ELP3: variants seen among roughly 807,000 people sequenced by gnomAD.
ELP3 encodes elongator acetyltransferase complex subunit 3.
ELP3 carries 56 observed loss-of-function variants against 74.9 expected under a neutral mutation model. That is an observed-to-expected ratio of 0.75 (90% CI 0.60 to 0.93). ELP3 has a LOEUF of 0.93. Ranked by LOEUF, ELP3 falls within the 40% of genes least tolerant of loss-of-function variation. The pLI, the probability that ELP3 is intolerant of heterozygous loss-of-function variation, is 0.00. For synonymous variants in ELP3, 222 were observed against 239.8 expected, an observed-to-expected ratio of 0.93 and a Z score of 0.68; for missense variants, 573 against 686.5, an observed-to-expected ratio of 0.83 and a Z score of 1.85.
chr8:28,176,138 C>G (rs1468733123), intron 14 of ELP3, among the ~76,000 whole-genome samples: 2 of 152,118 alleles, frequency 1.3e-5, no homozygotes, highest in African/African-American at 2.4e-5. Context: ...CTTTTCCAAA[C>G]TATTTTTGCA....
intron 2 of ELP3, among the ~76,000 whole-genome samples, chr8:28,098,998 A>G (rs1162345454): frequency 6.6e-6 from 1 of 152,236 alleles, no homozygotes; most frequent in East Asian, 1.9e-4. Context: ...CCTGTCTGCA[A>G]ACATGTAAAC....
intron 1 of ELP3, among the ~76,000 whole-genome samples, chr8:28,095,274 C>T (rs1476393219): frequency 6.6e-6 from 1 of 152,234 alleles, no homozygotes; most frequent in Non-Finnish European, 1.5e-5. Flanking sequence ...CACTCAAGAG[C>T]TATACAAGTG....
intron 14 of ELP3, among the ~76,000 whole-genome samples, chr8:28,180,470 A>G (rs10090868): frequency 0.92 from 140,338 of 152,272 alleles, 65,108 homozygotes; most frequent in Non-Finnish European, 0.97. Flanking sequence ...CTGTAATGTC[A>G]TCTTTTAATG....
chr8:28,170,667 A>G (rs761883482), intron 14 of ELP3, among the ~76,000 whole-genome samples: 1 of 152,112 alleles, frequency 6.6e-6, no homozygotes, highest in African/African-American at 2.4e-5. Context: ...TTTTCCCCCT[A>G]CAAACACATG....
chr8:28,115,432 A>G (rs891619312), intron 7 of ELP3, among the ~76,000 whole-genome samples: 2 of 152,228 alleles, frequency 1.3e-5, no homozygotes, highest in African/African-American at 4.8e-5. Context: ...ATATAAATGC[A>G]TAGAAAAGGT....
At chr8:28,184,096 G>C (rs1815135112) in intron 14 of ELP3, among the ~76,000 whole-genome samples, 1 of 152,232 alleles carries the variant, frequency 6.6e-6, no homozygotes, top group African/African-American at 2.4e-5. Flanking sequence ...ACCCAGCCTT[G>C]GTGGCTAAGT....
intron 11 of ELP3, among the ~76,000 whole-genome samples, chr8:28,158,151 TG>T (rs1170872756): frequency 6.6e-6 from 1 of 151,628 alleles, no homozygotes; most frequent in East Asian, 1.9e-4. Context: ...TGCCGTAAAA[TG>T]GAGGTTTTAA....
upstream of ELP3, among the ~76,000 whole-genome samples, chr8:28,091,901 A>G (rs73669184): frequency 0.027 from 4,171 of 152,238 alleles, 210 homozygotes; most frequent in African/African-American, 0.096. Flanking sequence ...AGGAACAACT[A>G]TGCATTCATT....
At chr8:28,107,271 C>T (rs1009198282) in intron 4 of ELP3, among the ~76,000 whole-genome samples, 1 of 152,012 alleles carries the variant, frequency 6.6e-6, no homozygotes. Flanking sequence ...AAAATTAGAA[C>T]ATATGAATAT....
chr8:28,189,542 G>T (rs1815373377), intron 14 of ELP3, 107 bp from the exon 15 acceptor site: 2 of 929,868 alleles, frequency 2.2e-6, no homozygotes, highest in Non-Finnish European at 3.4e-6. Context: ...ATGTGGGAGA[G>T]AATTTGGTCT....
intron 14 of ELP3, among the ~76,000 whole-genome samples, chr8:28,168,275 C>T (rs1814386164): frequency 6.6e-6 from 1 of 152,142 alleles, no homozygotes; most frequent in South Asian, 2.1e-4. Context: ...GTGATGTTTC[C>T]CAGCCAGAAG....
intron 12 of ELP3, among the ~76,000 whole-genome samples, chr8:28,158,891 T>C (rs1813953427): frequency 6.6e-6 from 1 of 152,232 alleles, no homozygotes; most frequent in African/African-American, 2.4e-5. Flanking sequence ...TTGGAAATGT[T>C]CTGTGATCTG....
intron 9 of ELP3, among the ~76,000 whole-genome samples, chr8:28,134,375 T>G (rs1812900707): frequency 6.6e-6 from 1 of 152,180 alleles, no homozygotes; most frequent in South Asian, 2.1e-4. Context: ...GTAAACAGAT[T>G]TATTTGCTTG....
At chr8:28,153,615 G>A (rs1813719185) in intron 10 of ELP3, among the ~76,000 whole-genome samples, 2 of 152,308 alleles carry the variant, frequency 1.3e-5, no homozygotes, top group South Asian at 4.1e-4. Context: ...CTAATGGAGG[G>A]AAGTTGTCCT....
At chr8:28,129,751 C>G (rs930135282) in intron 8 of ELP3, 88 bp downstream of exon 8, 1 of 1,494,938 alleles carries the variant, frequency 6.7e-7, no homozygotes, top group Non-Finnish European at 9.2e-7. Flanking sequence ...TTCCTTCTGA[C>G]CACTCTTAGG....
In ELP3 at chr8:28,093,199, C is replaced by G. The variant is rs763518154; in HGVS notation, c.-16C>G. 6.2e-7 allele frequency: 1 copy of G among 1,612,764 alleles called. No individual in the cohort carries two copies. The highest frequency in any genetic ancestry group is 8.5e-7 in the Non-Finnish European group (1 of 1,179,790). Reference sequence around the variant, plus strand: ...TGCATTTTTATCTCTGGTGGCTCTGCTACGGCGGCGCAGAAATGAGGCAGA... The same window carrying G: ...TGCATTTTTATCTCTGGTGGCTCTGGTACGGCGGCGCAGAAATGAGGCAGA... On this transcript the variant is annotated 5_prime_UTR_variant, in exon 1 of 15. Coordinates refer to ENST00000256398, the MANE Select transcript of ELP3 (RefSeq NM_018091.6).
chr8:28,157,275 TA>T (rs1208924866), intron 11 of ELP3, among the ~76,000 whole-genome samples: 1 of 27,416 alleles, frequency 3.6e-5, no homozygotes, highest in Non-Finnish European at 7.8e-5. Flanking sequence ...TCTCTGCCTT[TA>T]AAAAAAGCAT....
chr8:28,170,532 CCT>C (rs1377665737), intron 14 of ELP3, among the ~76,000 whole-genome samples: 1 of 152,130 alleles, frequency 6.6e-6, no homozygotes, highest in Non-Finnish European at 1.5e-5. Flanking sequence ...CTATTTTATA[CCT>C]GATGCTTTAG....
At chr8:28,173,591 T>C (rs934573138) in intron 14 of ELP3, among the ~76,000 whole-genome samples, 8 of 151,842 alleles carry the variant, frequency 5.3e-5, no homozygotes, top group African/African-American at 1.9e-4. Context: ...TCTAATCTAT[T>C]ATTTTCTTCC....
Sources: gnomAD v4.1 joint callset for allele counts (sites outside exome capture counted in the v4.1 genomes callset) on GRCh38, gnomAD v4.1.1 for gene constraint, MANE v1.5 for transcripts, NCBI Gene and HGNC (gene_info 2026-07-23, HGNC 2026-07-21) for gene names.